SLC25A48: variants seen among roughly 807,000 people sequenced by gnomAD.
SLC25A48 encodes the protein CTC-321K16.1.
SLC25A48 carries 29 observed loss-of-function variants against 32.2 expected under a neutral mutation model. That is an observed-to-expected ratio of 0.90 (90% CI 0.67 to 1.23). The LOEUF (loss-of-function observed/expected upper bound fraction) is 1.23. Ranked by LOEUF, SLC25A48 falls within the 50% of genes most tolerant of loss-of-function variation. SLC25A48 has a pLI of 0.00. For synonymous variants in SLC25A48, 164 were observed against 172.3 expected (o/e 0.95, Z 0.38); for missense variants, 399 against 422.7 (o/e 0.94, Z 0.49).
chr5:135,833,583 A>C (rs758634904), upstream of SLC25A48, among the ~76,000 whole-genome samples: 5 of 152,156 alleles, frequency 3.3e-5, no homozygotes, highest in Non-Finnish European at 5.9e-5. Context: ...AAGCAGCAGG[A>C]AGTTGAGGTG....
intron 1 of SLC25A48, among the ~76,000 whole-genome samples, chr5:135,599,843 C>T (rs915286870): frequency 1.3e-5 from 2 of 152,188 alleles, no homozygotes; most frequent in African/African-American, 2.4e-5. Flanking sequence ...CTTCGCACTC[C>T]CAGGCTTGCC....
At chr5:135,872,068 A>G (rs1293056248) in intron 5 of SLC25A48, 4 of 1,161,216 alleles carry the variant, frequency 3.4e-6, no homozygotes, top group Non-Finnish European at 4.4e-6. Context: ...TTAGTTCTAC[A>G]AGGTAGGAAT....
intron 3 of SLC25A48, among the ~76,000 whole-genome samples, chr5:135,700,743 A>T (rs115147017): frequency 0.022 from 3,423 of 152,294 alleles, 137 homozygotes; most frequent in African/African-American, 0.077. Flanking sequence ...CAGTCCCCTC[A>T]GGCTCTGGGT....
exon 3 of SLC25A48, chr5:135,634,848 C>T (rs889436502): frequency 1.3e-5 from 2 of 152,224 alleles, no homozygotes; most frequent in Non-Finnish European, 2.9e-5. Context: ...TAGCCATAGC[C>T]ACATTGGGGA....
intron 3 of SLC25A48, among the ~76,000 whole-genome samples, chr5:135,795,981 AG>A (rs1459166686): frequency 4.3e-5 from 4 of 93,330 alleles, no homozygotes; most frequent in Non-Finnish European, 8.2e-5. Flanking sequence ...TCAGGGGTGG[AG>A]GGGATAATAT....
At chr5:135,764,479 G>A (rs986762833) in intron 3 of SLC25A48, among the ~76,000 whole-genome samples, 2 of 151,710 alleles carry the variant, frequency 1.3e-5, no homozygotes, top group East Asian at 1.9e-4. Flanking sequence ...ACTGTGATAT[G>A]GTTCATGATT....
At chr5:135,751,842 T>TTA (rs1021973194) in intron 3 of SLC25A48, among the ~76,000 whole-genome samples, 1 of 152,134 alleles carries the variant, frequency 6.6e-6, no homozygotes, top group African/African-American at 2.4e-5. Flanking sequence ...CATAAAAAAA[T>TTA]TATATATATT....
chr5:135,648,960 G>A (rs889213925), intron 3 of SLC25A48: 10 of 152,270 alleles, frequency 6.6e-5, no homozygotes, highest in African/African-American at 2.4e-4. Flanking sequence ...ACCGGTTATG[G>A]TACCAGTTCC....
intron 4 of SLC25A48, among the ~76,000 whole-genome samples, chr5:135,817,577 A>T (rs1278735263): frequency 2.6e-5 from 4 of 152,232 alleles, no homozygotes; most frequent in African/African-American, 9.6e-5. Context: ...AGGCTATAGA[A>T]CTTGAAAAAT....
At chr5:135,660,074 G>T (rs115504382) in intron 3 of SLC25A48, among the ~76,000 whole-genome samples, 22 of 152,216 alleles carry the variant, frequency 1.4e-4, no homozygotes, top group African/African-American at 5.1e-4. Context: ...GCCTTTAATT[G>T]TGCATACATA....
intron 1 of SLC25A48, among the ~76,000 whole-genome samples, chr5:135,618,194 TG>T (rs1279663293): frequency 6.6e-6 from 1 of 152,172 alleles, no homozygotes; most frequent in African/African-American, 2.4e-5. Context: ...TTACTGTTTT[TG>T]ACTTAAAGTC....
At chr5:135,646,065 C>T (rs868665603) in intron 3 of SLC25A48, among the ~76,000 whole-genome samples, 19 of 152,146 alleles carry the variant, frequency 1.2e-4, no homozygotes, top group South Asian at 8.3e-4. Context: ...TGTTTTGAAT[C>T]TTGAAAAAAA....
At chr5:135,622,711 T>C (rs1178960927) in intron 1 of SLC25A48, among the ~76,000 whole-genome samples, 2 of 152,270 alleles carry the variant, frequency 1.3e-5, no homozygotes, top group African/African-American at 4.8e-5. Context: ...TTTTATGTTC[T>C]TTACACATTT....
At chr5:135,786,996 G>A (rs1756864547) in intron 3 of SLC25A48, among the ~76,000 whole-genome samples, 1 of 152,034 alleles carries the variant, frequency 6.6e-6, no homozygotes, top group Admixed American at 6.5e-5. Flanking sequence ...TATACACTCT[G>A]TGATATTATT....
intron 3 of SLC25A48, among the ~76,000 whole-genome samples, chr5:135,798,464 GT>G (rs1757240743): frequency 6.6e-6 from 1 of 151,026 alleles, no homozygotes; most frequent in Admixed American, 6.6e-5. Context: ...AATATCGCAG[GT>G]TGTGTACATT....
chr5:135,630,462 C>T (rs1401002469), intron 2 of SLC25A48, among the ~76,000 whole-genome samples: 3 of 152,082 alleles, frequency 2.0e-5, no homozygotes, highest in African/African-American at 4.8e-5. Context: ...CTTGAGCATC[C>T]AGGGATGGGG....
At chr5:135,665,142 T>C (rs1025894684) in intron 3 of SLC25A48, among the ~76,000 whole-genome samples, 3 of 152,218 alleles carry the variant, frequency 2.0e-5, no homozygotes, top group South Asian at 2.1e-4. Flanking sequence ...TGGTATGTCA[T>C]TGTAGTTTTA....
At chr5:135,607,484 G>A (rs187269926) in intron 1 of SLC25A48, among the ~76,000 whole-genome samples, 142 of 152,302 alleles carry the variant, frequency 9.3e-4, no homozygotes, top group Admixed American at 1.9e-3. Flanking sequence ...GTATAACAGC[G>A]AGGAAGACCG....
chr5:135,849,041 T>C (rs1759627722), intron 2 of SLC25A48, among the ~76,000 whole-genome samples: 1 of 152,226 alleles, frequency 6.6e-6, no homozygotes, highest in South Asian at 2.1e-4. Flanking sequence ...TAACATTAGT[T>C]TTAAACTACA....
Sources: allele counts gnomAD v4.1 joint callset (sites outside exome capture counted in the v4.1 genomes callset), GRCh38; gene constraint gnomAD v4.1.1; transcripts MANE v1.5; gene names NCBI Gene and HGNC (gene_info 2026-07-23, HGNC 2026-07-21).